STAM2: variants seen among roughly 807,000 people sequenced by gnomAD.
The protein encoded by STAM2 is signal transducing adaptor molecule 2.
A neutral mutation model predicts 65.6 loss-of-function variants in STAM2; 51 were observed. That is an observed-to-expected ratio of 0.78 (90% CI 0.62 to 0.98). STAM2 has a LOEUF of 0.98. Among genes scored for constraint, STAM2 ranks in the 50% least tolerant of loss-of-function variants. STAM2 has a pLI of 0.00. For missense variants in STAM2, 584 were observed against 617.8 expected (o/e 0.95, Z 0.58); for synonymous variants, 198 against 208.4 (o/e 0.95, Z 0.43).
chr2:152,166,770 G>C (rs906608779), intron 1 of STAM2, among the ~76,000 whole-genome samples: 1 of 152,102 alleles, frequency 6.6e-6, no homozygotes, highest in Admixed American at 6.6e-5. Context: ...TCTTTAAGCA[G>C]ATCTTTTTTT....
chr2:152,133,455 C>T lies in STAM2; in HGVS notation c.829G>A (p.Asp277Asn). The T allele has an allele frequency of 6.2e-7, 1 of 1,612,760 alleles. No individual in the cohort carries two copies. The highest frequency in any genetic ancestry group is 8.5e-7 in the Non-Finnish European group (1 of 1,179,264). The part of the protein sequence containing the change: ...AAVDKLNVID[D>N]DVEEIKKSEP... ...GATTTCTTAATTTCCTCCACATCAT[C>T]ATCAATTACATTCAATTTGTCCACA... Residue 277 changes from aspartate (D) to asparagine (N), a missense_variant, in exon 9 of 14, where the codon GAT becomes AAT. Physicochemically the swap from Asp to Asn is conservative, Grantham distance 23 (BLOSUM62 1). Transcript: ENST00000263904.
intron 11 of STAM2, among the ~76,000 whole-genome samples, chr2:152,127,248 A>C (rs1688978749): frequency 6.6e-6 from 1 of 152,216 alleles, no homozygotes; most frequent in East Asian, 1.9e-4. Context: ...CAAAATGCTA[A>C]GAACATGGAC....
At chr2:152,138,711 T>C (rs543245851) in intron 7 of STAM2, among the ~76,000 whole-genome samples, 1 of 152,228 alleles carries the variant, frequency 6.6e-6, no homozygotes, top group Non-Finnish European at 1.5e-5. Flanking sequence ...AAATAACTGA[T>C]GTATTGATGT....
At chr2:152,140,637 G>C (rs1303867685) in intron 7 of STAM2, among the ~76,000 whole-genome samples, 2 of 152,160 alleles carry the variant, frequency 1.3e-5, no homozygotes, top group Non-Finnish European at 2.9e-5. Flanking sequence ...ACATGGGGAG[G>C]CAACTTTTCT....
chr2:152,142,581 C>T (rs1294253915), intron 7 of STAM2, among the ~76,000 whole-genome samples: 1 of 152,138 alleles, frequency 6.6e-6, no homozygotes. Context: ...CACTCAGATA[C>T]CCATAAACCA....
intron 1 of STAM2, among the ~76,000 whole-genome samples, chr2:152,161,393 C>T (rs1180066469): frequency 6.7e-6 from 1 of 150,144 alleles, no homozygotes; most frequent in African/African-American, 2.5e-5. Context: ...CTAGGAAAAC[C>T]AGAGACCTTT....
At chr2:152,144,145 C>T (rs1021205382) in intron 6 of STAM2, 132 bp from the exon 7 acceptor site, 9 of 395,236 alleles carry the variant, frequency 2.3e-5, no homozygotes, top group East Asian at 7.2e-5. Context: ...AGTTAACTTT[C>T]GGGAGGGTGG....
chr2:152,134,207 T>G (rs3768651), intron 8 of STAM2, among the ~76,000 whole-genome samples: 29,823 of 152,104 alleles, frequency 0.2, 3,324 homozygotes, highest in Admixed American at 0.29. Context: ...TCCCAACTGT[T>G]AGTCATTTAT....
chr2:152,169,259 T>A (rs914792786), intron 1 of STAM2, among the ~76,000 whole-genome samples: 8 of 152,086 alleles, frequency 5.3e-5, no homozygotes, highest in African/African-American at 1.9e-4. Flanking sequence ...TATTTTTTGG[T>A]GTTGGTTTTT....
intron 5 of STAM2, among the ~76,000 whole-genome samples, chr2:152,146,475 T>C (rs1319919856): frequency 6.6e-6 from 1 of 152,210 alleles, no homozygotes; most frequent in South Asian, 2.1e-4. Flanking sequence ...TCAACATCCC[T>C]GCCTCCACAC....
At chr2:152,162,394 T>C (rs1689697085) in intron 1 of STAM2, among the ~76,000 whole-genome samples, 1 of 151,636 alleles carries the variant, frequency 6.6e-6, no homozygotes, top group Non-Finnish European at 1.5e-5. Flanking sequence ...GGCAACATAG[T>C]GAGATCCCTC....
chr2:152,149,047 T>C (rs1689390625), intron 2 of STAM2, among the ~76,000 whole-genome samples: 1 of 152,246 alleles, frequency 6.6e-6, no homozygotes, highest in Admixed American at 6.5e-5. Context: ...ATTTCTAACA[T>C]ATAGTTCAGC....
intron 4 of STAM2, 110 bp downstream of exon 4, chr2:152,147,914 A>G: frequency 1.2e-6 from 1 of 819,294 alleles, no homozygotes. Context: ...CATTTCAATG[A>G]TCTAAAAATG....
chr2:152,172,606 C>T (rs1488464460), intron 1 of STAM2, among the ~76,000 whole-genome samples: 1 of 152,080 alleles, frequency 6.6e-6, no homozygotes, highest in Non-Finnish European at 1.5e-5. Flanking sequence ...CAGTGGCTCA[C>T]GCCTGTAATC....
intron 1 of STAM2, among the ~76,000 whole-genome samples, chr2:152,158,528 CA>C (rs1446879657): frequency 2.0e-5 from 3 of 151,976 alleles, no homozygotes; most frequent in South Asian, 2.1e-4. Context: ...ACTTAACAAT[CA>C]GGACATGTGG....
chr2:152,125,824 G>A (rs1688954277), intron 12 of STAM2, among the ~76,000 whole-genome samples: 1 of 152,180 alleles, frequency 6.6e-6, no homozygotes, highest in South Asian at 2.1e-4. Flanking sequence ...TGAGCAGCAG[G>A]AAAGCGTTAG....
At chr2:152,141,922 G>T (rs1689256266) in intron 7 of STAM2, among the ~76,000 whole-genome samples, 1 of 152,090 alleles carries the variant, frequency 6.6e-6, no homozygotes, top group African/African-American at 2.4e-5. Flanking sequence ...ATCCAAGAAT[G>T]ATATATTTTC....
intron 7 of STAM2, among the ~76,000 whole-genome samples, chr2:152,143,207 TTA>T (rs1208863548): frequency 6.6e-6 from 1 of 152,186 alleles, no homozygotes; most frequent in African/African-American, 2.4e-5. Context: ...TAGAAATATA[TTA>T]GACTAGTGTG....
At position 152,120,602 on chromosome 2, in the gene STAM2, G is replaced by A; in HGVS notation, c.1550C>T (p.Thr517Ile). 6.2e-7 allele frequency: 1 copy of A among 1,614,060 alleles called. No homozygotes were observed. Among genetic ancestry groups the A allele is most frequent in the Non-Finnish European group, 8.5e-7 (1 of 1,179,990 alleles). Reference protein sequence around the residue: ...VPAHPVAQQHTNYHQQPLL With the variant: ...VPAHPVAQQHINYHQQPLL The stretch of plus-strand genomic sequence containing the variant: ...AAGGAGAGGCTGCTGATGGTAATTT[G>A]TGTGCTGCTGTGCAACTGGATGAGC... The change falls in exon 14 of 14, where the codon ACA becomes ATA. Residue 517 changes from threonine (T) to isoleucine (I), a missense_variant. Physicochemically the swap from Thr to Ile is moderately conservative, Grantham distance 89. Coordinates refer to ENST00000263904, the MANE Select transcript of STAM2 (RefSeq NM_005843.6).
Sources: allele counts gnomAD v4.1 joint callset (sites outside exome capture counted in the v4.1 genomes callset), GRCh38; gene constraint gnomAD v4.1.1; transcripts MANE v1.5; gene names NCBI Gene and HGNC (gene_info 2026-07-23, HGNC 2026-07-21).